The following EPHA6 variants were observed in gnomAD, a reference collection of about 807,000 sequenced individuals.
EPHA6 encodes EPH receptor A6.
EPHA6 carries 50 observed loss-of-function variants against 112.0 expected under a neutral mutation model. The observed-to-expected ratio is 0.45, with a 90% CI of 0.36 to 0.56. EPHA6 has a LOEUF of 0.56. Among genes scored for constraint, EPHA6 ranks in the 20% least tolerant of loss-of-function variants. EPHA6 has a pLI of 0.00. For synonymous variants in EPHA6, 529 were observed against 490.7 expected (o/e 1.08, Z -1.03); for missense variants, 1,280 against 1,417.4 (o/e 0.90, Z 1.56).
chr3:97,578,501 C>T (rs1049192646), intron 11 of EPHA6, among the ~76,000 whole-genome samples: 1 of 152,164 alleles, frequency 6.6e-6, no homozygotes, highest in African/African-American at 2.4e-5. Flanking sequence ...TTCTGGCCAG[C>T]CATATGGCCC....
At chr3:96,937,171 T>G (rs1418266047) in intron 2 of EPHA6, among the ~76,000 whole-genome samples, 1 of 152,218 alleles carries the variant, frequency 6.6e-6, no homozygotes, top group Non-Finnish European at 1.5e-5. Flanking sequence ...TCTAGATCCC[T>G]GAGGAATCGC....
rs541366600 is a variant in EPHA6 at position 97,339,052 on chromosome 3, G to A, written c.1607-66098G>A. Among the ~76,000 whole-genome samples, 7 of 152,256 alleles carry A rather than the reference G, an allele frequency of 4.6e-5. No individual in the cohort carries two copies. In the South Asian group the frequency reaches 1.2e-3, roughly 27 times the overall value. On this transcript the variant is annotated intron_variant, in intron 5 of 17. Coordinates refer to ENST00000389672, the MANE Select transcript of EPHA6 (RefSeq NM_001080448.3). ...GTCATCTCTGCTTAATGCTCTTAGA[G>A]AAGGGAGAAGCCTGACCTCTCACCA...
rs576168795 is a variant in EPHA6, at chr3:96,867,282, A to G, written c.450+393A>G. ...AGTATAAATGGATTGTGCAAATATT[A>G]ACAATTTGGTTTTTAATACAGAATA... On this transcript the variant is annotated intron_variant, in intron 2 of 17. Coordinates refer to ENST00000389672, the MANE Select transcript of EPHA6 (RefSeq NM_001080448.3). 8.6e-4 allele frequency among the ~76,000 whole-genome samples: 130 copies of G among 151,936 alleles called. 1 individual carries two copies. The highest frequency in any genetic ancestry group is 1.4e-3 in the East Asian group (7 of 5,166).
intron 11 of EPHA6, among the ~76,000 whole-genome samples, chr3:97,564,348 G>T (rs2093232265): frequency 6.6e-6 from 1 of 151,992 alleles, no homozygotes; most frequent in African/African-American, 2.4e-5. Flanking sequence ...CTGAAGTATT[G>T]CATTTACAAG....
At chr3:96,910,312 A>G (rs2039151923) in intron 2 of EPHA6, among the ~76,000 whole-genome samples, 1 of 151,968 alleles carries the variant, frequency 6.6e-6, no homozygotes, top group Non-Finnish European at 1.5e-5. Context: ...CCACTTCCTA[A>G]CAACCTAACC....
At chr3:97,388,517 A>G (rs1001234545) in intron 5 of EPHA6, among the ~76,000 whole-genome samples, 7 of 151,832 alleles carry the variant, frequency 4.6e-5, no homozygotes, top group African/African-American at 9.7e-5. Context: ...TTCTTATGGG[A>G]AAAAAAATGA....
intron 14 of EPHA6, among the ~76,000 whole-genome samples, chr3:97,683,276 T>C (rs1031738085): frequency 6.6e-6 from 1 of 152,178 alleles, no homozygotes; most frequent in African/African-American, 2.4e-5. Flanking sequence ...CTGACCATTA[T>C]ATTAAAAAAG....
At chr3:96,829,949 GCACACACACACACACACACACA>G (rs67227502) in intron 1 of EPHA6, among the ~76,000 whole-genome samples, 6 of 136,034 alleles carry the variant, frequency 4.4e-5, no homozygotes, top group Admixed American at 2.8e-4. Context: ...GCGCGCGCGC[GCACACACACACACACACACACA>G]CACACACACA....
chr3:97,146,247 C>A (rs1470758016), intron 3 of EPHA6, among the ~76,000 whole-genome samples: 1 of 151,754 alleles, frequency 6.6e-6, no homozygotes, highest in Non-Finnish European at 1.5e-5. Context: ...TTATTCTATC[C>A]TTCCTTGACA....
Position 97,750,766 on chromosome 3 carries a change from C to T in EPHA6, c.*2065C>T, listed in dbSNP as rs1047954661. Among the ~76,000 whole-genome samples the T allele has an allele frequency of 2.6e-5, 4 of 152,104 alleles. No individual in the cohort carries two copies. The highest frequency in any genetic ancestry group is 9.7e-5 in the African/African-American group (4 of 41,412). ...TTTTCCCTACCACAGCTTAATCCTT[C>T]TCATTTCAAAACAAATGTGTAAAGC... On this transcript the variant is annotated 3_prime_UTR_variant, in exon 18 of 18. Coordinates refer to ENST00000389672, the MANE Select transcript of EPHA6 (RefSeq NM_001080448.3).
At chr3:97,549,620 T>A (rs1043245313) in intron 11 of EPHA6, among the ~76,000 whole-genome samples, 2 of 152,102 alleles carry the variant, frequency 1.3e-5, no homozygotes, top group African/African-American at 4.8e-5. Context: ...CTGATCATCT[T>A]GGCCAAAGCA....
At chr3:97,532,252 T>A (rs1026951287) in intron 10 of EPHA6, 106 bp from the exon 11 acceptor site, 2 of 945,440 alleles carry the variant, frequency 2.1e-6, no homozygotes, top group African/African-American at 3.3e-5. Context: ...AATAACATAC[T>A]TAAGAGTCAT....
At chr3:97,344,033 C>A (rs919237529) in intron 5 of EPHA6, among the ~76,000 whole-genome samples, 1 of 152,120 alleles carries the variant, frequency 6.6e-6, no homozygotes. Flanking sequence ...TGTCCTATGC[C>A]TCTCCCATCA....
intron 14 of EPHA6, among the ~76,000 whole-genome samples, chr3:97,701,560 C>T (rs768613630): frequency 7.9e-5 from 12 of 151,790 alleles, no homozygotes; most frequent in South Asian, 2.1e-4. Context: ...TCTATACTCT[C>T]GTATATTTTG....
Position 97,046,580 on chromosome 3 carries a change from ATTG to A in EPHA6, c.1114+58590_1114+58592del, listed in dbSNP as rs537477534. Among the ~76,000 whole-genome samples the A allele has an allele frequency of 8.5e-5, 13 of 152,332 alleles. No individual in the cohort carries two copies. In the South Asian group the frequency reaches 2.7e-3, roughly 32 times the overall value. ...CATTTAAGAATGGAAAGGAAATAAA[ATTG>A]TTATTTAGAGATATTATTATCTGTG... On this transcript the variant is annotated intron_variant, in intron 3 of 17. Coordinates refer to ENST00000389672, the MANE Select transcript of EPHA6 (RefSeq NM_001080448.3).
intron 5 of EPHA6, among the ~76,000 whole-genome samples, chr3:97,391,739 C>G (rs1043236480): frequency 1.1e-4 from 16 of 151,700 alleles, no homozygotes; most frequent in Admixed American, 7.9e-4. Flanking sequence ...ATCAAAGAAG[C>G]CTTAAGCTAG....
At position 97,753,220 on chromosome 3, in the gene EPHA6, A is replaced by T. The variant is rs2035942315; in HGVS notation, c.*4519A>T. Among the ~76,000 whole-genome samples, 1 of 152,148 alleles carries T rather than the reference A, an allele frequency of 6.6e-6. No individual in the cohort carries two copies. Among genetic ancestry groups the T allele is most frequent in the Non-Finnish European group, 1.5e-5 (1 of 68,030 alleles). On this transcript the variant is annotated 3_prime_UTR_variant, in exon 18 of 18. Transcript: ENST00000389672. ...ATATGCACAAAATTTTACTACAAAG[A>T]TACGTTTGGCTGTGCTGTCATTGCT...
At position 96,858,158 on chromosome 3, in the gene EPHA6, G is replaced by A. The variant is rs143806535; in HGVS notation, c.386-8667G>A. Among the ~76,000 whole-genome samples the A allele has an allele frequency of 2.6e-5, 4 of 152,170 alleles. 1 individual carries two copies. Among genetic ancestry groups the A allele is most frequent in the Non-Finnish European group, 1.5e-5 (1 of 67,996 alleles). The stretch of plus-strand genomic sequence containing the variant: ...GAGAGACTCAAAAGTTGAAGAAGAG[G>A]CAATCATGACCCATGACACAGCAAG... On this transcript the variant is annotated intron_variant, in intron 1 of 17. Coordinates refer to ENST00000389672, the MANE Select transcript of EPHA6 (RefSeq NM_001080448.3).
At chr3:96,947,346 T>C (rs921488844) in intron 2 of EPHA6, among the ~76,000 whole-genome samples, 10 of 152,194 alleles carry the variant, frequency 6.6e-5, no homozygotes, top group African/African-American at 2.4e-4. Context: ...CCATCTTGAA[T>C]TAATTTTTGT....
Sources: gnomAD v4.1 joint callset for allele counts (sites outside exome capture counted in the v4.1 genomes callset) on GRCh38, gnomAD v4.1.1 for gene constraint, MANE v1.5 for transcripts, NCBI Gene and HGNC (gene_info 2026-07-23, HGNC 2026-07-21) for gene names.